Variants in NEB observed in about 807,000 individuals in gnomAD.
The protein encoded by NEB is nebulin, also known as nemaline myopathy type 2.
In NEB, 512 loss-of-function variants were observed where a neutral mutation model predicts 952.2. The ratio of observed to expected loss-of-function variants is 0.54; its 90% confidence interval spans 0.50 to 0.58. NEB has a LOEUF of 0.58. NEB is among the 20% of genes least tolerant of loss of function. The pLI, the probability that NEB is intolerant of heterozygous loss-of-function variation, is 0.00. For missense variants in NEB, 8,428 were observed against 9,231.1 expected (o/e 0.91, Z 3.56); for synonymous variants, 2,900 against 3,149.8 (o/e 0.92, Z 2.66).
Position 151,682,643 on chromosome 2 carries a change from A to G in NEB, c.2943+19T>C. 1 of 1,581,978 alleles carries G rather than the reference A, an allele frequency of 6.3e-7. No homozygotes were observed. The highest frequency in any genetic ancestry group is 1.3e-5 in the African/African-American group (1 of 74,310). On this transcript the variant is annotated intron_variant, in intron 29 of 181. Transcript: ENST00000397345. ...CAACACAGTCACCACTCTCCCTCTG[A>G]CACACCCAGTGGCTTTACCTCATTG...
intron 42 of NEB, 118 bp from the exon 43 acceptor site, chr2:151,664,981 G>A: frequency 1.3e-6 from 1 of 759,004 alleles, no homozygotes; most frequent in Non-Finnish European, 2.1e-6. Context: ...TTAGAAAATG[G>A]ATGAAATAAC....
At chr2:151,567,937 A>G in intron 113 of NEB, 134 bp downstream of exon 113, 6 of 647,816 alleles carry the variant, frequency 9.3e-6, no homozygotes, top group South Asian at 8.3e-5. Context: ...TACTCCAACC[A>G]TCACCAAGCC....
chr2:151,554,104 A>G (rs2095490691), intron 125 of NEB, 79 bp from the exon 126 acceptor site: 3 of 1,361,748 alleles, frequency 2.2e-6, no homozygotes, highest in East Asian at 4.6e-5. Flanking sequence ...AGTCAGGCTA[A>G]CCAACTCACA....
rs185651552 is a variant in NEB, at chr2:151,617,013, G to A, written c.11181+351C>T. 4.6e-5 allele frequency among the ~76,000 whole-genome samples: 7 copies of A among 152,190 alleles called. No individual in the cohort carries two copies. The East Asian group carries it at 7.7e-4, about 17-fold the overall frequency. On this transcript the variant is annotated intron_variant, in intron 75 of 181. Transcript: ENST00000397345. ...ATACTGGAGCAGCAAAATAATATGC[G>A]GCTTACTAACTCATCAGATTCCAAC...
rs2099282016 is a variant in NEB at position 151,671,238 on chromosome 2, G to A, written c.4300-9C>T. 1 of 1,603,856 alleles carries A rather than the reference G, an allele frequency of 6.2e-7. No individual in the cohort carries two copies. Among genetic ancestry groups the A allele is most frequent in the East Asian group, 2.2e-5 (1 of 44,784 alleles). ...TCGTCTTTATACACATTCTGTAAAA[G>A]GGTAAGCTAATATGAGAAGATACCC... On this transcript the variant is annotated splice_polypyrimidine_tract_variant and intron_variant, in intron 37 of 181. Transcript: ENST00000397345.
At chr2:151,687,287 T>G (rs1272862478) in intron 27 of NEB, 132 bp downstream of exon 27, 7 of 739,342 alleles carry the variant, frequency 9.5e-6, no homozygotes, top group Non-Finnish European at 1.4e-5. Flanking sequence ...TCTGAAGTTC[T>G]CTACAGCAGT....
Position 151,576,264 on chromosome 2 carries a change from T to C in NEB, c.16795A>G (p.Asn5599Asp), listed in dbSNP as rs1488753604. 1 of 1,611,384 alleles carries C rather than the reference T, an allele frequency of 6.2e-7. No individual in the cohort carries two copies. Among genetic ancestry groups the C allele is most frequent in the East Asian group, 2.2e-5 (1 of 44,840 alleles). ...CGATAGACACTGTCACAAAAGATAT[T>C]CTGGGCGTTTTTGACTCTCAACACT... is the stretch of plus-strand genomic sequence containing the variant. ...PEVLRVKNAQ[N>D]IFCDSVYRTP... Residue 5599 changes from asparagine to aspartate, a missense_variant, in exon 106 of 182, where the codon AAT becomes GAT. By Grantham distance (23) the Asn-to-Asp change is conservative (BLOSUM62 1). Around this residue, in one of 11 missense-constraint regions of NEB, gnomAD observed 3,374 missense variants for 3,651.5 expected, o/e 0.92. Transcript: ENST00000397345.
rs192569351 is a variant in NEB at position 151,492,024 on chromosome 2, G to A, written c.25057+74C>T. The stretch of plus-strand genomic sequence containing the variant: ...GAAGTCCTTTATGTTTTGACTTGAT[G>A]TAGGTAATGCTACTTTTGTTCTTCT... On this transcript the variant is annotated intron_variant, in intron 178 of 181. Transcript: ENST00000397345. The A allele has an allele frequency of 7.3e-5, 106 of 1,446,438 alleles. No homozygotes were observed. In the Middle Eastern group the frequency reaches 1.5e-3, roughly 21 times the overall value. 89.6% of individuals were successfully genotyped at this position (1,446,438 alleles called of 1,614,324 possible).
Position 151,553,405 on chromosome 2 carries a change from C to A in NEB, c.19724G>T (p.Arg6575Leu), listed in dbSNP as rs185999504. ...ILHAKHAYDLRDDIKYKAHML... is the reference protein window; with the variant it reads ...ILHAKHAYDLLDDIKYKAHML... ...AAAACAAGGCAAACTCACATCATCACGTAGATCATAAGCATGCTTGGCATG... is the reference window on the plus strand; with the variant it reads ...AAAACAAGGCAAACTCACATCATCAAGTAGATCATAAGCATGCTTGGCATG... The change falls in exon 127 of 182, where the codon CGT (arginine) becomes CTT (leucine). Residue 6575 changes from arginine (R) to leucine (L), a missense_variant. Transcript: ENST00000397345. The A allele has an allele frequency of 1.1e-5, 17 of 1,610,404 alleles. No homozygotes were observed. The highest frequency in any genetic ancestry group is 1.4e-5 in the Non-Finnish European group (17 of 1,176,832).
chr2:151,535,804 A>G lies in NEB; in HGVS notation c.21208-9T>C. 1 of 1,484,628 alleles carries G rather than the reference A, an allele frequency of 6.7e-7. No homozygotes were observed. Among genetic ancestry groups the G allele is most frequent in the Non-Finnish European group, 9.3e-7 (1 of 1,078,064 alleles). The allele number at this position is 1,484,628 out of a possible 1,614,324, so 92.0% of individuals were successfully genotyped here. A position where few individuals can be genotyped will look rare whatever the true frequency, so the allele number is the denominator to read the frequency against. ...ACTTCTTTATACTTATACTAGAAAAAACAGAACATGGTTACTTGACAGCAG... is the reference window on the plus strand; with the variant it reads ...ACTTCTTTATACTTATACTAGAAAAGACAGAACATGGTTACTTGACAGCAG... On this transcript the variant is annotated splice_polypyrimidine_tract_variant and intron_variant, in intron 141 of 181. Transcript: ENST00000397345.
chr2:151,663,697 G>T lies in NEB; in HGVS notation c.5614C>A (p.Pro1872Thr). The change falls in exon 45 of 182, where the codon CCG becomes ACG. Residue 1872 changes from proline to threonine, a missense_variant. Physicochemically the swap from Pro to Thr is conservative, Grantham distance 38 (BLOSUM62 -1). Around this residue, in one of 11 missense-constraint regions of NEB, gnomAD observed 2,851 missense variants for 2,791.5 expected, o/e 1.02. Coordinates refer to ENST00000397345, the MANE Select transcript of NEB (RefSeq NM_001164508.2). ...GCCACCACACTGAGCATGTCCACCGGGGTGTGGAAGGAGGTCTTGGATTTC... is the reference window on the plus strand; with the variant it reads ...GCCACCACACTGAGCATGTCCACCGTGGTGTGGAAGGAGGTCTTGGATTTC... ...YEKSKTSFHT[P>T]VDMLSVVAAK... The T allele has an allele frequency of 6.2e-7, 1 of 1,613,774 alleles. No homozygotes were observed. The highest frequency in any genetic ancestry group is 8.5e-7 in the Non-Finnish European group (1 of 1,179,788).
intron 80 of NEB, 92 bp from the exon 81 acceptor site, chr2:151,610,212 T>G (rs902779368): frequency 9.0e-7 from 1 of 1,106,432 alleles, no homozygotes; most frequent in African/African-American, 1.6e-5. Flanking sequence ...GACAAGATTT[T>G]ATATTACAAA....
At chr2:151,693,425 C>G (rs369449864) in intron 20 of NEB, among the ~76,000 whole-genome samples, 4 of 151,962 alleles carry the variant, frequency 2.6e-5, no homozygotes, top group East Asian at 3.9e-4. Context: ...CCGCCTCCCC[C>G]ACCCCCAGCC....
At chr2:151,498,042 ACATT>A (rs1050784005) in intron 170 of NEB, 14 of 1,447,066 alleles carry the variant, frequency 9.7e-6, no homozygotes, top group African/African-American at 5.7e-5. Flanking sequence ...ACAAATGGAA[ACATT>A]CATTATTTTT....
At chr2:151,633,542 T>C in intron 65 of NEB, 112 bp downstream of exon 65, 1 of 1,373,434 alleles carries the variant, frequency 7.3e-7, no homozygotes, top group Non-Finnish European at 9.7e-7. Context: ...ATTTAAATCT[T>C]ATTCATGGAC....
Position 151,563,939 on chromosome 2 carries a change from A to T in NEB, c.18472-9T>A. On this transcript the variant is annotated splice_polypyrimidine_tract_variant and intron_variant, in intron 117 of 181. Coordinates refer to ENST00000397345, the MANE Select transcript of NEB (RefSeq NM_001164508.2). ...GCCCCTTTATACAGTATCTAGAACA[A>T]AGAAATACATGGCAACAAAAGTTTT... The T allele has an allele frequency of 6.3e-7, 1 of 1,577,988 alleles. No individual in the cohort carries two copies. The highest frequency in any genetic ancestry group is 8.6e-7 in the Non-Finnish European group (1 of 1,158,098).
intron 156 of NEB, among the ~76,000 whole-genome samples, chr2:151,518,018 T>G (rs1283802739): frequency 3.3e-5 from 5 of 152,170 alleles, no homozygotes; most frequent in Admixed American, 6.5e-5. Context: ...TTCCCTAACC[T>G]GGGGCACAAA....
intron 38 of NEB, among the ~76,000 whole-genome samples, chr2:151,669,889 G>A (rs1179803931): frequency 6.6e-6 from 1 of 152,198 alleles, no homozygotes; most frequent in Non-Finnish European, 1.5e-5. Context: ...GAGCCATACA[G>A]AAGCTGGAAG....
chr2:151,497,444 A>G, intron 171 of NEB, 182 bp downstream of exon 171: 1 of 981,382 alleles, frequency 1.0e-6, no homozygotes, highest in Non-Finnish European at 1.2e-6. Flanking sequence ...AATTAACTGT[A>G]TTATAGAAAT....
Sources: gnomAD v4.1 joint callset for allele counts (sites outside exome capture counted in the v4.1 genomes callset) on GRCh38, gnomAD v4.1.1 for gene constraint, gnomAD v4.1.1 regional missense constraint, MANE v1.5 for transcripts, NCBI Gene and HGNC (gene_info 2026-07-23, HGNC 2026-07-21) for gene names.